EFCAB14: variants seen among roughly 807,000 people sequenced by gnomAD.
The protein encoded by EFCAB14 is EF-hand calcium-binding domain-containing protein 14.
EFCAB14 carries 43 observed loss-of-function variants against 56.5 expected under a neutral mutation model. The ratio of observed to expected loss-of-function variants is 0.76; its 90% CI spans 0.60 to 0.98. The LOEUF (loss-of-function observed/expected upper bound fraction) is 0.98, where lower values mean the gene tolerates loss of function less well. Ranked by LOEUF, EFCAB14 falls within the 50% of genes least tolerant of loss-of-function variation. EFCAB14 has a pLI of 0.00. For synonymous variants in EFCAB14, 235 were observed against 212.9 expected (o/e 1.10, Z -0.90); for missense variants, 538 against 580.3 (o/e 0.93, Z 0.75).
intron 3 of EFCAB14, among the ~76,000 whole-genome samples, chr1:46,704,908 T>C (rs1282729457): frequency 6.6e-6 from 1 of 151,852 alleles, no homozygotes; most frequent in African/African-American, 2.4e-5. Context: ...GGCTTTTTTT[T>C]CAGATTATAT....
At chr1:46,710,622 T>C (rs537007137) in intron 2 of EFCAB14, among the ~76,000 whole-genome samples, 1 of 152,318 alleles carries the variant, frequency 6.6e-6, no homozygotes, top group South Asian at 2.1e-4. Context: ...GGCATGATCA[T>C]AGCTCACTGC....
In EFCAB14 at chr1:46,696,619, G is replaced by A; in HGVS notation, c.511C>T (p.Leu171Phe). The A allele has an allele frequency of 1.2e-6, 2 of 1,613,616 alleles. No individual in the cohort carries two copies. Among genetic ancestry groups the A allele is most frequent in the East Asian group, 2.2e-5 (1 of 44,860 alleles). ...GCAGCTGACTTAACATTGGCTTTGAGGTGGTTCACTGCAGAAGTCAACAGA... is the reference window on the plus strand; with the variant it reads ...GCAGCTGACTTAACATTGGCTTTGAAGTGGTTCACTGCAGAAGTCAACAGA... ...ISLLTSAVNH[L>F]KANVKSAADL... Residue 171 changes from leucine to phenylalanine, a missense_variant, in exon 4 of 11, where the codon CTC (leucine) becomes TTC (phenylalanine). Physicochemically the swap from Leu to Phe is conservative, Grantham distance 22. Transcript: ENST00000371933.
intron 3 of EFCAB14, among the ~76,000 whole-genome samples, chr1:46,701,158 C>T (rs944474074): frequency 1.3e-5 from 2 of 152,140 alleles, no homozygotes; most frequent in African/African-American, 4.8e-5. Context: ...GAAAGAAATA[C>T]ACACACAGGA....
intron 8 of EFCAB14, chr1:46,685,224 C>T (rs1045635176): frequency 2.6e-5 from 4 of 152,264 alleles, no homozygotes; most frequent in East Asian, 1.9e-4. Context: ...AAAGTTTTTT[C>T]GCCCATACCC....
At chr1:46,697,888 G>C (rs1202609994) in intron 3 of EFCAB14, among the ~76,000 whole-genome samples, 4 of 126,612 alleles carry the variant, frequency 3.2e-5, no homozygotes, top group Non-Finnish European at 6.4e-5. Context: ...GTCTTGCTCT[G>C]TTGCCCAGGC....
chr1:46,717,673 T>C (rs1336120037), intron 1 of EFCAB14, among the ~76,000 whole-genome samples: 3 of 152,218 alleles, frequency 2.0e-5, no homozygotes, highest in Non-Finnish European at 4.4e-5. Context: ...AGTCCACATT[T>C]CCACCTCAGA....
In EFCAB14 at chr1:46,676,269, G is replaced by A. The variant is rs1237539871; in HGVS notation, c.*2192C>T. Reference sequence around the variant, plus strand: ...CCAAACTTGGTAGGGGGAGAGGATGGTACTGTATACTGGCTCAGGGGTGAT... The same window carrying A: ...CCAAACTTGGTAGGGGGAGAGGATGATACTGTATACTGGCTCAGGGGTGAT... On this transcript the variant is annotated 3_prime_UTR_variant, in exon 11 of 11. Transcript: ENST00000371933. The A allele has an allele frequency of 6.6e-6, 1 of 152,178 alleles. No individual in the cohort carries two copies. Among genetic ancestry groups the A allele is most frequent in the Admixed American group, 6.5e-5 (1 of 15,274 alleles). 9.4% of individuals were successfully genotyped at this position (152,178 alleles called of 1,614,324 possible). A position where few individuals can be genotyped will look rare whatever the true frequency, so the allele number is the denominator to read the frequency against.
Position 46,681,243 on chromosome 1 carries a change from G to A in EFCAB14, c.1312+2057C>T, listed in dbSNP as rs796372589. ...CAAAATGCTGGGATTACAGGCATGA[G>A]CCACTGCACCTGGCCGTATATACAT... On this transcript the variant is annotated intron_variant, in intron 10 of 10. Transcript: ENST00000371933. Among the ~76,000 whole-genome samples, 37 of 152,300 alleles carry A rather than the reference G, an allele frequency of 2.4e-4. 1 individual carries two copies. Among genetic ancestry groups the A allele is most frequent in the African/African-American group, 7.0e-4 (29 of 41,556 alleles).
intron 4 of EFCAB14, among the ~76,000 whole-genome samples, chr1:46,695,365 C>CT (rs35808466): frequency 6.6e-6 from 1 of 151,878 alleles, no homozygotes; most frequent in East Asian, 1.9e-4. Context: ...GTCCCTACCC[C>CT]TTTTTTTTCC....
intron 2 of EFCAB14, 127 bp downstream of exon 2, chr1:46,716,168 G>T: frequency 9.7e-7 from 1 of 1,026,878 alleles, no homozygotes; most frequent in Non-Finnish European, 1.4e-6. Flanking sequence ...AGAATCACTT[G>T]AACCTGGGTG....
chr1:46,705,036 C>T (rs1205501055), intron 3 of EFCAB14, among the ~76,000 whole-genome samples: 1 of 152,134 alleles, frequency 6.6e-6, no homozygotes, highest in Non-Finnish European at 1.5e-5. Flanking sequence ...TCTTAAGTGA[C>T]AGTTATGTTT....
chr1:46,694,488 T>C (rs1445193243), intron 4 of EFCAB14, among the ~76,000 whole-genome samples: 2 of 152,230 alleles, frequency 1.3e-5, no homozygotes, highest in East Asian at 1.9e-4. Flanking sequence ...ATGCTCATCA[T>C]CACTGGCCAT....
At chr1:46,690,933 CAG>C (rs1373660547) in intron 5 of EFCAB14, among the ~76,000 whole-genome samples, 2 of 152,248 alleles carry the variant, frequency 1.3e-5, no homozygotes, top group Admixed American at 6.5e-5. Flanking sequence ...CAGAAATTGG[CAG>C]AGAGACTAGG....
intron 3 of EFCAB14, among the ~76,000 whole-genome samples, chr1:46,701,647 A>T (rs921704613): frequency 2.6e-5 from 4 of 152,240 alleles, no homozygotes; most frequent in African/African-American, 9.6e-5. Flanking sequence ...AGCAGCTGAA[A>T]GCCAATGCCA....
intron 1 of EFCAB14, 40 bp downstream of exon 1, chr1:46,717,863 G>A (rs766451074): frequency 1.3e-6 from 2 of 1,594,746 alleles, no homozygotes; most frequent in Non-Finnish European, 1.7e-6. Context: ...GTAGTGCAAG[G>A]AGATGCCTTC....
Position 46,678,240 on chromosome 1 carries a change from T to A in EFCAB14, c.*221A>T, listed in dbSNP as rs565672109. 1.4e-4 allele frequency: 56 copies of A among 410,170 alleles called. No homozygotes were observed. Among genetic ancestry groups the A allele is most frequent in the Middle Eastern group, 1.3e-3 (2 of 1,542 alleles). 25.4% of individuals were successfully genotyped at this position (410,170 alleles called of 1,614,324 possible). A position where few individuals can be genotyped will look rare whatever the true frequency, so the allele number is the denominator to read the frequency against. On this transcript the variant is annotated 3_prime_UTR_variant, in exon 11 of 11. Coordinates refer to ENST00000371933, the MANE Select transcript of EFCAB14 (RefSeq NM_014774.3). Reference sequence around the variant, plus strand: ...CTGGCAATTTTAAAATGTAAGATCTTACTGGTTGTAGGAAATCATAGATTT... The same window carrying A: ...CTGGCAATTTTAAAATGTAAGATCTAACTGGTTGTAGGAAATCATAGATTT...
chr1:46,717,943 C>T lies in EFCAB14; in HGVS notation c.145G>A (p.Glu49Lys). 1 of 1,614,168 alleles carries T rather than the reference C, an allele frequency of 6.2e-7. No homozygotes were observed. Among genetic ancestry groups the T allele is most frequent in the Non-Finnish European group, 8.5e-7 (1 of 1,180,034 alleles). ...SDSESSSEEE[E>K]EFGVVGNRSR... ...CGATTTCCAACCACACCGAATTCCT[C>T]TTCCTCTTCGGAGCTGGACTCAGAG... Residue 49 changes from glutamate to lysine, a missense_variant, in exon 1 of 11, where the codon GAG becomes AAG. Glu to Lys is a moderately conservative substitution (Grantham distance 56). Coordinates refer to ENST00000371933, the MANE Select transcript of EFCAB14 (RefSeq NM_014774.3).
intron 2 of EFCAB14, among the ~76,000 whole-genome samples, chr1:46,713,555 C>T (rs985652869): frequency 2.0e-5 from 3 of 152,060 alleles, no homozygotes; most frequent in African/African-American, 4.8e-5. Context: ...AAGAAATTAC[C>T]TGAAAAGCTC....
rs75241822 is a variant in EFCAB14, at chr1:46,683,335, C to G, written c.1277G>C (p.Arg426Thr). The G allele has an allele frequency of 2.7e-3, 4,341 of 1,613,972 alleles. 107 individuals are homozygous for G. The African/African-American group carries it at 0.05, about 19-fold the overall frequency. Residue 426 changes from arginine to threonine, a missense_variant, in exon 10 of 11, where the codon AGA (arginine) becomes ACA (threonine). Transcript: ENST00000371933. ...GDPVEKAAQL[R>T]PISLPGVSST... ...AGAAACTCCTGGTAGGGAGATAGGT[C>G]TTAGTTGGGCAGCTTTCTCAACTGG...
Sources: allele counts gnomAD v4.1 joint callset (sites outside exome capture counted in the v4.1 genomes callset), GRCh38; gene constraint gnomAD v4.1.1; transcripts MANE v1.5; gene names NCBI Gene and HGNC (gene_info 2026-07-23, HGNC 2026-07-21).